PAQR9: variants seen among roughly 807,000 people sequenced by gnomAD.
PAQR9 encodes membrane progestin receptor epsilon.
A neutral mutation model predicts 24.0 loss-of-function variants in PAQR9; 12 were observed. That is an observed-to-expected ratio of 0.50 (90% CI 0.32 to 0.81). The LOEUF is 0.81. PAQR9 is among the 30% of genes least tolerant of loss of function. The pLI, the probability that PAQR9 is intolerant of heterozygous loss-of-function variation, is 0.03. For synonymous variants in PAQR9, 266 were observed against 237.6 expected, an observed-to-expected ratio of 1.12 and a Z score of -1.10; for missense variants, 418 against 520.8, an observed-to-expected ratio of 0.80 and a Z score of 1.92.
At chr3:142,953,011 C>A (rs1203888805), downstream of PAQR9, among the ~76,000 whole-genome samples, 2 of 152,190 alleles carry the variant, frequency 1.3e-5, no homozygotes, top group Admixed American at 1.3e-4. Context: ...TTAGGAGTGG[C>A]CCTGGAGCAA....
chr3:142,953,177 GT>G (rs974795344), downstream of PAQR9, among the ~76,000 whole-genome samples: 2 of 152,170 alleles, frequency 1.3e-5, no homozygotes, highest in African/African-American at 4.8e-5. Flanking sequence ...CGGGGTGGGA[GT>G]TTGCCTCTCA....
Position 142,963,450 on chromosome 3 carries a change from G to T in PAQR9, c.-114C>A. The T allele has an allele frequency of 9.6e-7, 1 of 1,046,640 alleles. No individual in the cohort carries two copies. The highest frequency in any genetic ancestry group is 4.6e-5 in the South Asian group (1 of 21,932). 64.8% of individuals were successfully genotyped at this position (1,046,640 alleles called of 1,614,324 possible). The stretch of plus-strand genomic sequence containing the variant: ...CCTTTGTGCCCACGCCGGGGGCGTC[G>T]CTGCAGGTTTAGGAGAAGACCCGTG... On this transcript the variant is annotated 5_prime_UTR_variant, in exon 1 of 1. Coordinates refer to ENST00000340634, the MANE Select transcript of PAQR9 (RefSeq NM_198504.4).
chr3:142,962,357 T>A lies in PAQR9; in HGVS notation c.980A>T (p.Tyr327Phe), dbSNP rs115893776. ...CTGGCGCAGGCCCTCTTCTACGTAG[T>A]ACACCTGGTCGTAGATGCTGAGGAA... ...FTFLSIYDQV[Y>F]YVEEGLRQFL... is the part of the protein sequence containing the mutation. Residue 327 changes from tyrosine to phenylalanine, a missense_variant, in exon 1 of 1, where the codon TAC (tyrosine) becomes TTC (phenylalanine). Transcript: ENST00000340634. The A allele has an allele frequency of 3.7e-6, 6 of 1,614,088 alleles. No homozygotes were observed. Among genetic ancestry groups the A allele is most frequent in the Non-Finnish European group, 4.2e-6 (5 of 1,180,016 alleles).
rs1374422933 is a variant in PAQR9, at chr3:142,958,665, G to A, written c.*3538C>T. Among the ~76,000 whole-genome samples, 1 of 152,158 alleles carries A rather than the reference G, an allele frequency of 6.6e-6. No individual in the cohort carries two copies. Among genetic ancestry groups the A allele is most frequent in the Non-Finnish European group, 1.5e-5 (1 of 68,036 alleles). On this transcript the variant is annotated 3_prime_UTR_variant, in exon 1 of 1. Coordinates refer to ENST00000340634, the MANE Select transcript of PAQR9 (RefSeq NM_198504.4). Reference sequence around the variant, plus strand: ...TCCTATGAAGTATCACTATAAATTAGGCTAAATTGTTTTTTGACTGCAAGC... The same window carrying A: ...TCCTATGAAGTATCACTATAAATTAAGCTAAATTGTTTTTTGACTGCAAGC...
At position 142,963,107 on chromosome 3, in the gene PAQR9, A is replaced by G. The variant is rs1364417399; in HGVS notation, c.230T>C (p.Val77Ala). ...PCTAQECLAS[V>A]LKPTNETLNF... ...GAGCGTCTCGTTGGTAGGCTTCAGC[A>G]CCGAGGCTAGGCACTCCTGGGCCGT... Residue 77 changes from valine (V) to alanine (A), a missense_variant, in exon 1 of 1, where the codon GTG (valine) becomes GCG (alanine). Around this residue, in one of 3 missense-constraint regions of PAQR9, gnomAD observed 180 missense variants for 190.3 expected, o/e 0.95. Coordinates refer to ENST00000340634, the MANE Select transcript of PAQR9 (RefSeq NM_198504.4). The G allele has an allele frequency of 2.5e-6, 4 of 1,613,750 alleles. No homozygotes were observed. Among genetic ancestry groups the G allele is most frequent in the Non-Finnish European group, 3.4e-6 (4 of 1,179,882 alleles).
chr3:142,952,046 A>AAG (rs370665417), downstream of PAQR9, among the ~76,000 whole-genome samples: 6,344 of 116,546 alleles, frequency 0.054, 147 homozygotes, highest in Non-Finnish European at 0.063. Flanking sequence ...TGTGAAAAAG[A>AAG]AGGGGGGGGG....
At position 142,963,662 on chromosome 3, in the gene PAQR9, G is replaced by T. The variant is rs1934963910; in HGVS notation, c.-326C>A. The T allele has an allele frequency of 1.6e-6, 1 of 624,230 alleles. No homozygotes were observed. The highest frequency in any genetic ancestry group is 2.0e-5 in the African/African-American group (1 of 49,778). 38.7% of individuals were successfully genotyped at this position (624,230 alleles called of 1,614,324 possible). On this transcript the variant is annotated 5_prime_UTR_variant, in exon 1 of 1. Transcript: ENST00000340634. ...GCGCGGCTGACTGCGGCGGCAGCGC[G>T]GCAGCGGTGACTGGGCATCGCGCGG... is the stretch of plus-strand genomic sequence containing the variant.
At position 142,963,624 on chromosome 3, in the gene PAQR9, G is replaced by GGCA; in HGVS notation, c.-291_-289dup. On this transcript the variant is annotated 5_prime_UTR_variant, in exon 1 of 1. Coordinates refer to ENST00000340634, the MANE Select transcript of PAQR9 (RefSeq NM_198504.4). ...ACCGGCGCGCGGCCGCCCGCGCTGC[G>GGCA]GCAGCGGCGGCGGCGCGGCTGACTG... 1 of 710,850 alleles carries GGCA rather than the reference G, an allele frequency of 1.4e-6. No individual in the cohort carries two copies. The highest frequency in any genetic ancestry group is 1.7e-6 in the Non-Finnish European group (1 of 581,406). 44.0% of individuals were successfully genotyped at this position (710,850 alleles called of 1,614,324 possible). A position where few individuals can be genotyped will look rare whatever the true frequency, so the allele number is the denominator to read the frequency against.
chr3:142,954,257 A>C (rs1367241405), downstream of PAQR9, among the ~76,000 whole-genome samples: 1 of 152,242 alleles, frequency 6.6e-6, no homozygotes, highest in Non-Finnish European at 1.5e-5. Flanking sequence ...ACAGAAGCCC[A>C]TGGACTCTAT....
chr3:142,956,886 A>G lies in PAQR9; in HGVS notation c.*5317T>C, dbSNP rs1347255609. Among the ~76,000 whole-genome samples, 1 of 152,238 alleles carries G rather than the reference A, an allele frequency of 6.6e-6. No homozygotes were observed. Among genetic ancestry groups the G allele is most frequent in the Non-Finnish European group, 1.5e-5 (1 of 68,050 alleles). ...ACATCCATTTTCACAATTAAGAAAT[A>G]ATTATTCACAATACCGAAGAAGCCA... On this transcript the variant is annotated 3_prime_UTR_variant, in exon 1 of 1. Coordinates refer to ENST00000340634, the MANE Select transcript of PAQR9 (RefSeq NM_198504.4).
chr3:142,951,159 C>T (rs562627114), downstream of PAQR9, among the ~76,000 whole-genome samples: 29 of 152,242 alleles, frequency 1.9e-4, 1 homozygote, highest in South Asian at 5.8e-3. Flanking sequence ...TCAAGTGACC[C>T]GCCTGCTTGG....
At position 142,962,870 on chromosome 3, in the gene PAQR9, A is replaced by G; in HGVS notation, c.467T>C (p.Leu156Pro). 1 of 1,613,666 alleles carries G rather than the reference A, an allele frequency of 6.2e-7. No homozygotes were observed. The highest frequency in any genetic ancestry group is 8.5e-7 in the Non-Finnish European group (1 of 1,179,988). The change falls in exon 1 of 1, where the codon CTG becomes CCG. Residue 156 changes from leucine to proline, a missense_variant. Leu to Pro is a moderately conservative substitution (Grantham distance 98). This residue lies in a region of PAQR9 where 230 missense variants were observed against 305.2 expected (regional missense o/e 0.75). Coordinates refer to ENST00000340634, the MANE Select transcript of PAQR9 (RefSeq NM_198504.4). Reference sequence around the variant, plus strand: ...GTAGTAGCTGATGGACGCGTAGTCCAGGTAGAAGAAGGCGGCGCGCAGACG... The same window carrying G: ...GTAGTAGCTGATGGACGCGTAGTCCGGGTAGAAGAAGGCGGCGCGCAGACG... ...SLRLRAAFFY[L>P]DYASISYYGF...
In PAQR9 at chr3:142,957,186, T is replaced by C. The variant is rs571471080; in HGVS notation, c.*5017A>G. The stretch of plus-strand genomic sequence containing the variant: ...GGAGATAAATGTACCACTCAAAATA[T>C]ACCTGGACACTCGTGCTCAGGTCAA... On this transcript the variant is annotated 3_prime_UTR_variant, in exon 1 of 1. Transcript: ENST00000340634. Among the ~76,000 whole-genome samples the C allele has an allele frequency of 6.6e-6, 1 of 152,354 alleles. No individual in the cohort carries two copies. The highest frequency in any genetic ancestry group is 1.5e-5 in the Non-Finnish European group (1 of 68,022).
At chr3:142,949,384 A>G (rs1006484566) in exon 3 of PAQR9, 1 of 152,228 alleles carries the variant, frequency 6.6e-6, no homozygotes, top group East Asian at 1.9e-4. Flanking sequence ...CTAGGCCATT[A>G]GCTTCACTCA....
In PAQR9 at chr3:142,962,849, TA is replaced by T. The variant is rs1479601426; in HGVS notation, c.487del (p.Tyr163ThrfsTer26). 1 of 1,613,480 alleles carries T rather than the reference TA, an allele frequency of 6.2e-7. No individual in the cohort carries two copies. The highest frequency in any genetic ancestry group is 1.7e-5 in the Admixed American group (1 of 60,016). On this transcript the variant is annotated frameshift_variant, in exon 1 of 1. Transcript: ENST00000340634. LOFTEE classifies it high-confidence loss of function. Reference sequence around the variant, plus strand: ...GGCCACCGTGCTGCCGAAGCCGTAGTAGCTGATGGACGCGTAGTCCAGGTAG... The same window carrying T: ...GGCCACCGTGCTGCCGAAGCCGTAGTGCTGATGGACGCGTAGTCCAGGTAG... ...FFYLDYASISYYGFGSTVAYY... is the reference protein window; with the variant it reads ...FFYLDYASISXYGFGSTVAYY...
chr3:142,962,192 A>C lies in PAQR9; in HGVS notation c.*11T>G, dbSNP rs1328281097. ...GATGGGCGAACCAGTAGTCTCCTCC[A>C]AGGCGGAGGCTCACTTTTTACTGCA... On this transcript the variant is annotated 3_prime_UTR_variant, in exon 1 of 1. Coordinates refer to ENST00000340634, the MANE Select transcript of PAQR9 (RefSeq NM_198504.4). 6.2e-7 allele frequency: 1 copy of C among 1,610,950 alleles called. No individual in the cohort carries two copies. The highest frequency in any genetic ancestry group is 8.5e-7 in the Non-Finnish European group (1 of 1,178,766).
rs181830447 is a variant in PAQR9, at chr3:142,961,448, T to C, written c.*755A>G. The C allele has an allele frequency of 6.0e-4, 91 of 152,758 alleles. No homozygotes were observed. Among genetic ancestry groups the C allele is most frequent in the African/African-American group, 2.1e-3 (86 of 41,532 alleles). The allele number at this position is 152,758 out of a possible 1,614,324, so 9.5% of individuals were successfully genotyped here. On this transcript the variant is annotated 3_prime_UTR_variant, in exon 1 of 1. Transcript: ENST00000340634. ...TAAGGTAGAATTCACAGTTGTATCA[T>C]GACACACGCCTTCAGAAAACACTGT...
downstream of PAQR9, chr3:142,950,303 G>A (rs934975153): frequency 6.2e-6 from 1 of 161,416 alleles, no homozygotes; most frequent in Non-Finnish European, 1.4e-5. Context: ...ACTTGGTACT[G>A]GTTCTTGCAG....
In PAQR9 at chr3:142,960,526, C is replaced by A; in HGVS notation, c.*1677G>T. ...TGGCTGGGTATGAGGGCCACCCACTCCTCCTGCTGAGCCAGTAAAGGCACA... is the reference window on the plus strand; with the variant it reads ...TGGCTGGGTATGAGGGCCACCCACTACTCCTGCTGAGCCAGTAAAGGCACA... On this transcript the variant is annotated 3_prime_UTR_variant, in exon 1 of 1. Transcript: ENST00000340634. 6.5e-6 allele frequency: 1 copy of A among 152,766 alleles called. No homozygotes were observed. The highest frequency in any genetic ancestry group is 1.9e-4 in the South Asian group (1 of 5,202). The allele number at this position is 152,766 out of a possible 1,614,324, so 9.5% of individuals were successfully genotyped here.
Sources: allele counts gnomAD v4.1 joint callset (sites outside exome capture counted in the v4.1 genomes callset), GRCh38; gene constraint gnomAD v4.1.1; regional missense constraint gnomAD v4.1.1; transcripts MANE v1.5; gene names NCBI Gene and HGNC (gene_info 2026-07-23, HGNC 2026-07-21).